Variants in PDXDC1 observed in about 807,000 individuals in gnomAD.
PDXDC1 encodes pyridoxal dependent decarboxylase domain containing 1.
PDXDC1 carries 42 observed loss-of-function variants against 100.1 expected under a neutral mutation model. The ratio of observed to expected loss-of-function variants is 0.42; its 90% CI spans 0.33 to 0.54. The LOEUF (loss-of-function observed/expected upper bound fraction) is 0.54. PDXDC1 is among the 20% of genes least tolerant of loss of function. The probability of loss-of-function intolerance (pLI) is 0.10; values close to 1 mark genes in which losing one functional copy is unlikely to be tolerated. For missense variants in PDXDC1, 636 were observed against 979.2 expected, an observed-to-expected ratio of 0.65 and a Z score of 4.68; for synonymous variants, 260 against 371.7, an observed-to-expected ratio of 0.70 and a Z score of 3.46.
intron 16 of PDXDC1, among the ~76,000 whole-genome samples, 195 bp from the exon 17 acceptor site, chr16:15,031,540 A>G (rs751593879): frequency 2.0e-5 from 3 of 152,156 alleles, no homozygotes; most frequent in Admixed American, 6.5e-5. Flanking sequence ...CACACCTGCT[A>G]CAGCCAGCTG....
chr16:15,128,948 G>A (rs1170477625), intron 16 of PDXDC1, among the ~76,000 whole-genome samples: 8 of 149,430 alleles, frequency 5.4e-5, no homozygotes, highest in Non-Finnish European at 4.5e-5. Flanking sequence ...TGGGACTACA[G>A]GCGCCTGCCA....
intron 21 of PDXDC1, 70 bp downstream of exon 21, chr16:15,034,623 A>G: frequency 9.1e-7 from 1 of 1,093,970 alleles, no homozygotes; most frequent in Non-Finnish European, 1.4e-6. Context: ...CTTGGGTCCC[A>G]ACACTTCCCA....
At chr16:15,133,375 G>C (rs1283529541) in intron 16 of PDXDC1, 4 of 1,040,758 alleles carry the variant, frequency 3.8e-6, no homozygotes, top group African/African-American at 1.6e-5. Flanking sequence ...GCCAGACTGT[G>C]AGCCCCATTG....
chr16:15,057,258 T>C (rs1175335727), intron 16 of PDXDC1, among the ~76,000 whole-genome samples: 1 of 152,170 alleles, frequency 6.6e-6, no homozygotes, highest in Non-Finnish European at 1.5e-5. Flanking sequence ...ACCCAACTTC[T>C]CACCCAAAAT....
At chr16:15,055,636 C>T in intron 16 of PDXDC1, 1 of 339,320 alleles carries the variant, frequency 2.9e-6, no homozygotes, top group African/African-American at 2.1e-5. Context: ...GCTGTGCGAC[C>T]TTGGGCAAGT....
chr16:15,038,682 A>G, downstream of PDXDC1: 1 of 1,538,324 alleles, frequency 6.5e-7, no homozygotes, highest in Non-Finnish European at 9.0e-7. Context: ...CATAAATGCT[A>G]ATCATCTAAA....
chr16:15,112,001 G>T (rs2047087252), intron 16 of PDXDC1, among the ~76,000 whole-genome samples: 1 of 147,512 alleles, frequency 6.8e-6, no homozygotes. Context: ...GCTCTACTCA[G>T]AGTTCACTTT....
At chr16:14,985,553 G>A (rs1310583627) in intron 1 of PDXDC1, among the ~76,000 whole-genome samples, 1 of 152,250 alleles carries the variant, frequency 6.6e-6, no homozygotes, top group Non-Finnish European at 1.5e-5. Flanking sequence ...CCAAAGTGCT[G>A]GGATTACAGG....
chr16:15,096,406 G>A (rs529008183), intron 16 of PDXDC1, among the ~76,000 whole-genome samples: 3 of 152,222 alleles, frequency 2.0e-5, no homozygotes, highest in East Asian at 3.9e-4. Flanking sequence ...ACCACGCCCC[G>A]CCAGCAGTTT....
chr16:15,140,102 A>G (rs1258274566), downstream of PDXDC1, among the ~76,000 whole-genome samples: 1 of 143,830 alleles, frequency 7.0e-6, no homozygotes, highest in Admixed American at 7.0e-5. Context: ...TCTCAAAAAA[A>G]AAAAAAAAAA....
chr16:15,041,956 G>T (rs2043835671), downstream of PDXDC1, among the ~76,000 whole-genome samples: 1 of 152,144 alleles, frequency 6.6e-6, no homozygotes, highest in South Asian at 2.1e-4. Flanking sequence ...GAGTTTTGCG[G>T]GGACCCATGG....
intron 1 of PDXDC1, among the ~76,000 whole-genome samples, chr16:14,984,329 T>C (rs1229231674): frequency 1.3e-5 from 2 of 150,670 alleles, no homozygotes; most frequent in African/African-American, 4.9e-5. Context: ...TTTTTTTTTT[T>C]TTTTTTTAAC....
At chr16:15,099,021 G>T (rs2046451852) in intron 16 of PDXDC1, among the ~76,000 whole-genome samples, 1 of 152,198 alleles carries the variant, frequency 6.6e-6, no homozygotes. Context: ...TACACTTCCA[G>T]CAATATCTTC....
At chr16:15,135,923 G>C in intron 16 of PDXDC1, 2 of 1,584,238 alleles carry the variant, frequency 1.3e-6, no homozygotes, top group Non-Finnish European at 1.7e-6. Context: ...CACCAGCTGA[G>C]GCCGGCTCAC....
chr16:15,077,049 G>A (rs2966184), intron 16 of PDXDC1, among the ~76,000 whole-genome samples: 87,423 of 149,416 alleles, frequency 0.59, 28,392 homozygotes, highest in Non-Finnish European at 0.71. Context: ...GCAAGATCTC[G>A]GCTCACCGCA....
chr16:15,128,814 T>C (rs2047901179), intron 16 of PDXDC1, among the ~76,000 whole-genome samples: 1 of 151,318 alleles, frequency 6.6e-6, no homozygotes. Context: ...AGTATTTTTT[T>C]TTTTTTTTTG....
At chr16:15,101,813 C>T (rs1157158049) in intron 16 of PDXDC1, among the ~76,000 whole-genome samples, 1 of 150,436 alleles carries the variant, frequency 6.6e-6, no homozygotes, top group Non-Finnish European at 1.5e-5. Context: ...GTAGCTAGGA[C>T]TATAGGCATG....
intron 8 of PDXDC1, among the ~76,000 whole-genome samples, chr16:15,012,137 T>G (rs755130668): frequency 6.6e-6 from 1 of 152,228 alleles, no homozygotes; most frequent in Non-Finnish European, 1.5e-5. Context: ...GGAGTCTCAT[T>G]CTGTTGCCCA....
chr16:15,080,228 C>T, intron 16 of PDXDC1: 2 of 1,120,116 alleles, frequency 1.8e-6, no homozygotes, highest in Non-Finnish European at 2.5e-6. Context: ...TCCAGCAATA[C>T]AAAAACTATA....
Sources: allele counts gnomAD v4.1 joint callset (sites outside exome capture counted in the v4.1 genomes callset), GRCh38; gene constraint gnomAD v4.1.1; transcripts MANE v1.5; gene names NCBI Gene and HGNC (gene_info 2026-07-23, HGNC 2026-07-21).